ABCA8: variants seen among roughly 807,000 people sequenced by gnomAD.
ABCA8 encodes the protein ATP binding cassette subfamily A member 8, also known as ABC-type organic anion transporter ABCA8.
A neutral mutation model predicts 192.3 loss-of-function variants in ABCA8; 177 were observed. That is an observed-to-expected ratio of 0.92 (90% CI 0.81 to 1.04). The LOEUF (loss-of-function observed/expected upper bound fraction) is 1.04. ABCA8 is among the 50% of genes least tolerant of loss of function. The pLI, the probability that ABCA8 is intolerant of heterozygous loss-of-function variation, is 0.00. For missense variants in ABCA8, 1,915 were observed against 1,904.8 expected (o/e 1.01, Z -0.10); for synonymous variants, 642 against 690.2 (o/e 0.93, Z 1.09).
rs2066413162 is a variant in ABCA8, at chr17:68,884,507, CA to C, written c.3550-112del. 5.0e-6 allele frequency: 7 copies of C among 1,399,388 alleles called. No homozygotes were observed. In the East Asian group the frequency reaches 1.9e-4, roughly 39 times the overall value. 86.7% of individuals were successfully genotyped at this position (1,399,388 alleles called of 1,614,324 possible). ...CCTGCTAACATTTGACCATGAATATCACCTAAGTGTCCTTTCTAAAGTGTAT... is the reference window on the plus strand; with the variant it reads ...CCTGCTAACATTTGACCATGAATATCCCTAAGTGTCCTTTCTAAAGTGTAT... On this transcript the variant is annotated intron_variant, in intron 27 of 39. Coordinates refer to ENST00000586539, the MANE Select transcript of ABCA8 (RefSeq NM_001288985.2).
intron 26 of ABCA8, chr17:68,886,666 C>T (rs1047102038): frequency 6.5e-6 from 1 of 154,798 alleles, no homozygotes; most frequent in African/African-American, 2.4e-5. Flanking sequence ...TAATCTCCTT[C>T]CTCCCATTAT....
rs2068505624 is a variant in ABCA8, at chr17:68,949,394, A to C, written c.-88T>G. The C allele has an allele frequency of 6.6e-6, 1 of 152,210 alleles. No homozygotes were observed. The highest frequency in any genetic ancestry group is 2.1e-4 in the South Asian group (1 of 4,832). The allele number at this position is 152,210 out of a possible 1,614,324, so 9.4% of individuals were successfully genotyped here. A position where few individuals can be genotyped will look rare whatever the true frequency, so the allele number is the denominator to read the frequency against. ...AGAGGAGCTGGTAGCATTCCTTCTG[A>C]AACAATTCCAAACAGTCGAAAAAGA... On this transcript the variant is annotated 5_prime_UTR_variant, in exon 2 of 40. Transcript: ENST00000586539.
chr17:68,877,686 A>C lies in ABCA8; in HGVS notation c.4039-7T>G, dbSNP rs1437608460. 1.2e-6 allele frequency: 2 copies of C among 1,607,282 alleles called. No individual in the cohort carries two copies. Among genetic ancestry groups the C allele is most frequent in the African/African-American group, 2.7e-5 (2 of 74,782 alleles). The stretch of plus-strand genomic sequence containing the variant: ...CGCTCCCTTTCAGTAGCACCTGCAG[A>C]TGAAAGTTCCCTCTCAGAACCTACC... On this transcript the variant is annotated splice_region_variant and splice_polypyrimidine_tract_variant and intron_variant, in intron 32 of 39. Transcript: ENST00000586539.
chr17:68,940,450 T>C (rs1196657591), intron 4 of ABCA8, among the ~76,000 whole-genome samples: 1 of 152,142 alleles, frequency 6.6e-6, no homozygotes, highest in African/African-American at 2.4e-5. Flanking sequence ...TAAACACTAC[T>C]GCTCTAAATG....
intron 18 of ABCA8, 141 bp downstream of exon 18, chr17:68,907,599 G>C: frequency 2.7e-6 from 2 of 751,598 alleles, no homozygotes; most frequent in Non-Finnish European, 3.8e-6. Context: ...AAATAATTCA[G>C]TTATTGTACT....
At chr17:68,910,313 C>T (rs757201340) in intron 17 of ABCA8, among the ~76,000 whole-genome samples, 1 of 152,142 alleles carries the variant, frequency 6.6e-6, no homozygotes, top group Non-Finnish European at 1.5e-5. Flanking sequence ...ATGTTGTATG[C>T]TTGGGGGAGG....
intron 4 of ABCA8, among the ~76,000 whole-genome samples, chr17:68,938,478 A>C (rs1383234562): frequency 6.6e-6 from 1 of 152,158 alleles, no homozygotes; most frequent in African/African-American, 2.4e-5. Flanking sequence ...TGGTGGAGCA[A>C]GATGCATAGG....
At position 68,883,834 on chromosome 17, in the gene ABCA8, A is replaced by G. The variant is rs145796352; in HGVS notation, c.3664T>C (p.Trp1222Arg). The stretch of plus-strand genomic sequence containing the variant: ...CTCATTGATTTCTTTCCAAACTTCC[A>G]TTCCAGACATCGAAGAGTAAAAAGA... Reference protein sequence around the residue: ...IFLFTLRCLEWKFGKKSMRKD... With the variant: ...IFLFTLRCLERKFGKKSMRKD... The change falls in exon 29 of 40, where the codon TGG becomes CGG. Residue 1222 changes from tryptophan to arginine, a missense_variant. Coordinates refer to ENST00000586539, the MANE Select transcript of ABCA8 (RefSeq NM_001288985.2). The G allele has an allele frequency of 5.9e-5, 95 of 1,601,092 alleles. No homozygotes were observed. In the African/African-American group the frequency reaches 1.2e-3, roughly 20 times the overall value.
chr17:68,919,074 A>G (rs1253550485), intron 14 of ABCA8, among the ~76,000 whole-genome samples: 1 of 152,182 alleles, frequency 6.6e-6, no homozygotes, highest in Non-Finnish European at 1.5e-5. Context: ...AATAGCACCT[A>G]TCTCATAGGG....
At chr17:68,922,896 A>G (rs573927508) in intron 11 of ABCA8, among the ~76,000 whole-genome samples, 2 of 152,296 alleles carry the variant, frequency 1.3e-5, no homozygotes, top group East Asian at 3.9e-4. Flanking sequence ...ACAACCTGAA[A>G]ATTTTTGCAG....
chr17:68,887,235 T>C (rs2066485558), intron 25 of ABCA8, 101 bp downstream of exon 25: 3 of 1,349,766 alleles, frequency 2.2e-6, no homozygotes, highest in Non-Finnish European at 3.0e-6. Flanking sequence ...AGTTCTTTAA[T>C]TTATGACCAT....
chr17:68,881,042 T>A, intron 32 of ABCA8, 78 bp downstream of exon 32: 1 of 969,536 alleles, frequency 1.0e-6, no homozygotes, highest in Non-Finnish European at 1.7e-6. Flanking sequence ...TTAAGTGGAA[T>A]CTGTTGTTTT....
chr17:68,946,951 GA>G (rs2068427680), intron 2 of ABCA8, among the ~76,000 whole-genome samples: 5 of 150,338 alleles, frequency 3.3e-5, no homozygotes, highest in Non-Finnish European at 5.9e-5. Context: ...AAGAAAGAGA[GA>G]GAGAGAGAGA....
rs867077672 is a variant in ABCA8 at position 68,868,122 on chromosome 17, G to A, written c.4829C>T (p.Ser1610Leu). The change falls in exon 40 of 40, where the codon TCA becomes TTA. Residue 1610 changes from serine (S) to leucine (L), a missense_variant. Transcript: ENST00000586539. ...LGDFEEDFDP[S>L]VKWKLLPQEE... ...CTGGGGGAGGAGCTTCCACTTCACT[G>A]AGGGATCAAAATCCTCCTCAAAATC... 7.4e-6 allele frequency: 12 copies of A among 1,613,216 alleles called. No individual in the cohort carries two copies. The highest frequency in any genetic ancestry group is 8.5e-6 in the Non-Finnish European group (10 of 1,179,580).
At chr17:68,876,001 C>T in intron 35 of ABCA8, among the ~76,000 whole-genome samples, 1 of 152,144 alleles carries the variant, frequency 6.6e-6, no homozygotes, top group East Asian at 1.9e-4. Context: ...GCAAGAGAGG[C>T]TTGTTTGTGA....
Position 68,929,628 on chromosome 17 carries a change from G to A in ABCA8, c.872C>T (p.Thr291Ile). The change falls in exon 8 of 40, where the codon ACC becomes ATC. Residue 291 changes from threonine to isoleucine, a missense_variant. Thr to Ile is a moderately conservative substitution (Grantham distance 89). Coordinates refer to ENST00000586539, the MANE Select transcript of ABCA8 (RefSeq NM_001288985.2). ...GAAGCCAGACAAAATGATAAACTGG[G>A]TAGATCTTATAACAAGTGCCAAGAA... Reference protein sequence around the residue: ...ALFLALVIRSTQFIILSGFMV... With the variant: ...ALFLALVIRSIQFIILSGFMV... 1 of 1,613,618 alleles carries A rather than the reference G, an allele frequency of 6.2e-7. No homozygotes were observed. The highest frequency in any genetic ancestry group is 8.5e-7 in the Non-Finnish European group (1 of 1,179,666).
At chr17:68,890,209 A>C (rs879693523) in intron 24 of ABCA8, among the ~76,000 whole-genome samples, 11 of 151,974 alleles carry the variant, frequency 7.2e-5, no homozygotes, top group Non-Finnish European at 1.5e-4. Flanking sequence ...ATCCTCATAA[A>C]CTCTTGATAG....
chr17:68,904,713 A>G (rs889083416), intron 19 of ABCA8, among the ~76,000 whole-genome samples: 3 of 152,282 alleles, frequency 2.0e-5, no homozygotes, highest in East Asian at 1.9e-4. Context: ...TCCTAAGTGC[A>G]TAGGAACAGT....
chr17:68,876,290 C>T, intron 35 of ABCA8, 170 bp downstream of exon 35: 1 of 738,874 alleles, frequency 1.4e-6, no homozygotes, highest in East Asian at 2.7e-5. Flanking sequence ...TGTAAAATAT[C>T]ATCAGGGAAA....
Sources: allele counts gnomAD v4.1 joint callset (sites outside exome capture counted in the v4.1 genomes callset), GRCh38; gene constraint gnomAD v4.1.1; transcripts MANE v1.5; gene names NCBI Gene and HGNC (gene_info 2026-07-23, HGNC 2026-07-21).